FGF14: variants seen among roughly 807,000 people sequenced by gnomAD.
The protein encoded by FGF14 is fibroblast growth factor homologous factor 4.
In FGF14, 5 loss-of-function variants were observed where a neutral mutation model predicts 25.5. The observed-to-expected ratio is 0.20, with a 90% confidence interval of 0.10 to 0.41. The LOEUF (loss-of-function observed/expected upper bound fraction) is 0.41, where lower values mean the gene tolerates loss of function less well. FGF14 is among the 10% of genes least tolerant of loss of function. The probability of loss-of-function intolerance (pLI) is 1.00; values close to 1 mark genes in which losing one functional copy is unlikely to be tolerated. For missense variants in FGF14, 222 were observed against 320.1 expected, an observed-to-expected ratio of 0.69 and a Z score of 2.34; for synonymous variants, 138 against 118.3, an observed-to-expected ratio of 1.17 and a Z score of -1.08.
Position 102,070,118 on chromosome 13 carries a change from T to G in FGF14, c.209-194822A>C, listed in dbSNP as rs531025499. 4.6e-5 allele frequency among the ~76,000 whole-genome samples: 7 copies of G among 152,210 alleles called. No homozygotes were observed. In the South Asian group the frequency reaches 8.3e-4, roughly 18 times the overall value. The stretch of plus-strand genomic sequence containing the variant: ...CAACCCACAGAATAGGAGAAAATAT[T>G]TGCAAATGATCCATCTTACAAAGGA... On this transcript the variant is annotated intron_variant, in intron 1 of 4. Transcript: ENST00000376131.
At chr13:102,369,313 T>C (rs1281330206) in intron 1 of FGF14, among the ~76,000 whole-genome samples, 1 of 152,170 alleles carries the variant, frequency 6.6e-6, no homozygotes, top group East Asian at 1.9e-4. Context: ...GCTCTCCCTC[T>C]CCTCAACAAA....
At chr13:102,308,288 C>T (rs1013422962) in intron 1 of FGF14, among the ~76,000 whole-genome samples, 3 of 152,174 alleles carry the variant, frequency 2.0e-5, no homozygotes, top group Non-Finnish European at 4.4e-5. Context: ...GTTTCAATCA[C>T]GTTCCCACTT....
chr13:101,773,672 C>G (rs2038917845), intron 3 of FGF14, among the ~76,000 whole-genome samples: 1 of 151,662 alleles, frequency 6.6e-6, no homozygotes, highest in African/African-American at 2.4e-5. Context: ...TTAAGAAGAG[C>G]TTGTACCAGG....
chr13:102,198,842 C>CT (rs1445611448), intron 1 of FGF14, among the ~76,000 whole-genome samples: 1 of 152,154 alleles, frequency 6.6e-6, no homozygotes, highest in Admixed American at 6.6e-5. Flanking sequence ...TCTGACATGG[C>CT]TTATGGACAT....
intron 1 of FGF14, among the ~76,000 whole-genome samples, chr13:102,167,766 TAA>T (rs2048079090): frequency 6.6e-6 from 1 of 150,842 alleles, no homozygotes; most frequent in Non-Finnish European, 1.5e-5. Flanking sequence ...GAATCCTCAT[TAA>T]GATATTAGAA....
upstream of FGF14, among the ~76,000 whole-genome samples, chr13:101,919,751 C>G (rs1464910204): frequency 6.6e-6 from 1 of 152,118 alleles, no homozygotes; most frequent in Non-Finnish European, 1.5e-5. Context: ...CACTTTTTTC[C>G]CTCATGATGG....
chr13:102,208,047 T>C (rs1008702048), intron 1 of FGF14, among the ~76,000 whole-genome samples: 24 of 152,194 alleles, frequency 1.6e-4, no homozygotes, highest in African/African-American at 5.6e-4. Flanking sequence ...ATTTCCAAGA[T>C]AAGTTATCCA....
intron 1 of FGF14, among the ~76,000 whole-genome samples, chr13:102,331,546 A>C (rs1002690156): frequency 1.3e-5 from 2 of 152,224 alleles, no homozygotes; most frequent in Admixed American, 6.5e-5. Context: ...ACCTAAAGCA[A>C]AATGTCAACA....
chr13:101,763,039 C>A (rs2038129937), intron 3 of FGF14, among the ~76,000 whole-genome samples: 1 of 152,154 alleles, frequency 6.6e-6, no homozygotes, highest in African/African-American at 2.4e-5. Flanking sequence ...ACTGCCATTT[C>A]TCTTTATCAT....
At chr13:101,941,392 A>T (rs2035440580) in intron 1 of FGF14, among the ~76,000 whole-genome samples, 1 of 152,252 alleles carries the variant, frequency 6.6e-6, no homozygotes, top group African/African-American at 2.4e-5. Context: ...CATAAGTTAT[A>T]ATAACACGAT....
In FGF14 at chr13:102,042,440, A is replaced by C. The variant is rs1009308971; in HGVS notation, c.209-167144T>G. On this transcript the variant is annotated intron_variant, in intron 1 of 4. Transcript: ENST00000376131. ...TTGTCTATTCTTGTATTTAATATTA[A>C]CTCTAAGAGGCACCTGTCACAGTAA... 5.9e-5 allele frequency among the ~76,000 whole-genome samples: 9 copies of C among 152,254 alleles called. No individual in the cohort carries two copies. The East Asian group carries it at 1.7e-3, about 29-fold the overall frequency.
At chr13:102,245,525 A>G (rs968130271) in intron 1 of FGF14, among the ~76,000 whole-genome samples, 30 of 152,212 alleles carry the variant, frequency 2.0e-4, no homozygotes, top group Middle Eastern at 3.4e-3. Context: ...TTTATGAAAT[A>G]AGTAATGGTA....
chr13:101,879,665 T>C (rs894097951), intron 1 of FGF14, among the ~76,000 whole-genome samples: 4 of 152,150 alleles, frequency 2.6e-5, no homozygotes, highest in African/African-American at 9.7e-5. Flanking sequence ...ATATACATCA[T>C]ACGAACTATG....
chr13:102,200,379 C>T (rs548633738), intron 1 of FGF14, among the ~76,000 whole-genome samples: 1 of 152,288 alleles, frequency 6.6e-6, no homozygotes, highest in South Asian at 2.1e-4. Flanking sequence ...GCTTCCTCAA[C>T]TACATTTTTT....
chr13:102,039,440 A>G (rs867246637), intron 1 of FGF14, among the ~76,000 whole-genome samples: 1 of 152,116 alleles, frequency 6.6e-6, no homozygotes, highest in South Asian at 2.1e-4. Flanking sequence ...GGTAGAAGCC[A>G]AAATCAAGGG....
chr13:102,019,473 G>A (rs2139852422), intron 1 of FGF14, among the ~76,000 whole-genome samples: 1 of 152,208 alleles, frequency 6.6e-6, no homozygotes. Flanking sequence ...TTCTATGACA[G>A]ATAAACATCC....
intron 1 of FGF14, among the ~76,000 whole-genome samples, chr13:101,951,129 G>T (rs1020515399): frequency 6.6e-6 from 1 of 152,108 alleles, no homozygotes; most frequent in Non-Finnish European, 1.5e-5. Flanking sequence ...CAGATAAATG[G>T]CTATTTGACA....
upstream of FGF14, among the ~76,000 whole-genome samples, chr13:101,920,267 T>C (rs940433228): frequency 1.3e-5 from 2 of 152,236 alleles, no homozygotes; most frequent in Non-Finnish European, 2.9e-5. Flanking sequence ...AATTTTACCT[T>C]TGACGTTATA....
chr13:101,980,156 ATTTCATAAACAGATAAATG>A (rs1364418338), intron 1 of FGF14, among the ~76,000 whole-genome samples: 1 of 152,350 alleles, frequency 6.6e-6, no homozygotes, highest in Admixed American at 6.5e-5. Context: ...ACACCCTGTT[ATTTCATAAACAGATAAATG>A]TGCAATGAAG....
Sources: allele counts gnomAD v4.1 joint callset (sites outside exome capture counted in the v4.1 genomes callset), GRCh38; gene constraint gnomAD v4.1.1; transcripts MANE v1.5; gene names NCBI Gene and HGNC (gene_info 2026-07-23, HGNC 2026-07-21).